The following SLC5A4 variants were observed in gnomAD, a reference collection of about 807,000 sequenced individuals.
The protein encoded by SLC5A4 is solute carrier family 5 member 4, also known as probable glucose sensor protein SLC5A4.
A neutral mutation model predicts 70.3 loss-of-function variants in SLC5A4; 55 were observed. The ratio of observed to expected loss-of-function variants is 0.78; its 90% CI spans 0.63 to 0.98. The LOEUF (loss-of-function observed/expected upper bound fraction) is 0.98. SLC5A4 is among the 50% of genes least tolerant of loss of function. The pLI, the probability that SLC5A4 is intolerant of heterozygous loss-of-function variation, is 0.00. For missense variants in SLC5A4, 735 were observed against 839.2 expected (o/e 0.88, Z 1.53); for synonymous variants, 268 against 305.7 (o/e 0.88, Z 1.29).
the SLC5A4 span, among the ~76,000 whole-genome samples, chr22:32,306,158 CATT>C: frequency 6.6e-6 from 1 of 152,140 alleles, no homozygotes; most frequent in Non-Finnish European, 1.5e-5. Flanking sequence ...AACCTAGGGA[CATT>C]GTTATAAAAA....
At chr22:32,299,519 C>A in the SLC5A4 span, among the ~76,000 whole-genome samples, 1 of 107,022 alleles carries the variant, frequency 9.3e-6, no homozygotes, top group African/African-American at 3.5e-5. Context: ...CTCCTTTAAG[C>A]ACTTCTCTGT....
intron 12 of SLC5A4, among the ~76,000 whole-genome samples, chr22:32,224,701 C>T (rs1434332221): frequency 2.0e-5 from 3 of 152,320 alleles, no homozygotes; most frequent in East Asian, 1.9e-4. Context: ...ACTGCACCAT[C>T]GTTGATTCTC....
chr22:32,260,519 A>C, the SLC5A4 span, among the ~76,000 whole-genome samples: 14 of 151,900 alleles, frequency 9.2e-5, no homozygotes, highest in African/African-American at 2.7e-4. Context: ...AAAAAAAAAA[A>C]ACAAAACCAA....
At chr22:32,324,572 T>C in the SLC5A4 span, among the ~76,000 whole-genome samples, 1 of 152,194 alleles carries the variant, frequency 6.6e-6, no homozygotes, top group East Asian at 1.9e-4. Flanking sequence ...CCTCACTCAC[T>C]GGGCGCCCCT....
chr22:32,294,693 T>G, the SLC5A4 span, among the ~76,000 whole-genome samples: 1 of 148,516 alleles, frequency 6.7e-6, no homozygotes, highest in Non-Finnish European at 1.5e-5. Context: ...CTTTAAGTTT[T>G]AGGGTACATG....
the SLC5A4 span, among the ~76,000 whole-genome samples, chr22:32,347,655 TGA>T: frequency 8.1e-6 from 1 of 123,394 alleles, no homozygotes; most frequent in East Asian, 2.5e-4. Context: ...AACTGAACAA[TGA>T]GAACACATGG....
chr22:32,285,306 A>C, the SLC5A4 span, among the ~76,000 whole-genome samples: 1 of 152,188 alleles, frequency 6.6e-6, no homozygotes, highest in Non-Finnish European at 1.5e-5. Context: ...GTGCATTTTT[A>C]ATTTTAATAG....
At chr22:32,270,212 T>A in the SLC5A4 span, 1 of 671,358 alleles carries the variant, frequency 1.5e-6, no homozygotes, top group East Asian at 2.9e-5. Flanking sequence ...TGTGACAGCA[T>A]CCTTAACATT....
the SLC5A4 span, among the ~76,000 whole-genome samples, chr22:32,338,622 T>C: frequency 0.21 from 31,684 of 152,050 alleles, 3,728 homozygotes; most frequent in East Asian, 0.48. Flanking sequence ...TGAGCCAAGA[T>C]CACACCACTG....
Position 32,247,598 on chromosome 22 carries a change from G to A in SLC5A4, c.373-83C>T. On this transcript the variant is annotated intron_variant, in intron 4 of 14. Transcript: ENST00000266086. ...ATTATTCAGCATTTCCTAAGCACCT[G>A]TGAGTGAAAGTCCTGTGTGTGGCCC... 3.5e-6 allele frequency: 3 copies of A among 858,546 alleles called. No homozygotes were observed. The East Asian group carries it at 7.7e-5, about 22-fold the overall frequency. 53.2% of individuals were successfully genotyped at this position (858,546 alleles called of 1,614,324 possible). A position where few individuals can be genotyped will look rare whatever the true frequency, so the allele number is the denominator to read the frequency against.
chr22:32,272,899 C>G, the SLC5A4 span: 7 of 518,794 alleles, frequency 1.3e-5, no homozygotes, highest in East Asian at 2.1e-4. Flanking sequence ...GCTGCCACAC[C>G]ACACAGGCCT....
chr22:32,266,392 T>C, the SLC5A4 span, among the ~76,000 whole-genome samples: 3 of 152,138 alleles, frequency 2.0e-5, no homozygotes, highest in Non-Finnish European at 4.4e-5. Flanking sequence ...GAGAAAACCC[T>C]AGGTAGTTTC....
At chr22:32,261,539 C>G in the SLC5A4 span, among the ~76,000 whole-genome samples, 5 of 152,214 alleles carry the variant, frequency 3.3e-5, no homozygotes, top group Non-Finnish European at 7.3e-5. Flanking sequence ...GGGGAAGCCC[C>G]TTACCAGGGG....
chr22:32,254,062 T>A, intron 2 of SLC5A4, 80 bp downstream of exon 2: 2 of 1,126,480 alleles, frequency 1.8e-6, no homozygotes, highest in Non-Finnish European at 2.7e-6. Context: ...ATTACAGGCG[T>A]GAGACACCGC....
the SLC5A4 span, among the ~76,000 whole-genome samples, chr22:32,335,055 C>CA: frequency 6.6e-6 from 1 of 152,206 alleles, no homozygotes; most frequent in Non-Finnish European, 1.5e-5. Flanking sequence ...CAGGCCCATC[C>CA]TGCCTCCAAG....
rs761024376 is a variant in SLC5A4, at chr22:32,218,553, G to C, written c.1941C>G (p.Leu647=). 2.6e-5 allele frequency: 42 copies of C among 1,613,578 alleles called. No homozygotes were observed. In the East Asian group the frequency reaches 7.6e-4, roughly 29 times the overall value. Residue 647 remains leucine, a synonymous_variant, in exon 15 of 15, where the codon CTC becomes CTG. Transcript: ENST00000266086. ...RTIVNINAIL[L]LAVVVFIHGY... ...CGTGAATAAAGACCACCACAGCCAG[G>C]AGGAGGATGGCGTTGATGTTCACTA...
the SLC5A4 span, among the ~76,000 whole-genome samples, chr22:32,311,457 G>A: frequency 6.6e-6 from 1 of 152,224 alleles, no homozygotes; most frequent in Non-Finnish European, 1.5e-5. Context: ...GGAGATGTTT[G>A]TGATCATTTA....
At chr22:32,228,574 C>G (rs551878772) in intron 11 of SLC5A4, among the ~76,000 whole-genome samples, 1 of 151,902 alleles carries the variant, frequency 6.6e-6, no homozygotes, top group Admixed American at 6.6e-5. Context: ...AATATAGGGT[C>G]TTCTCGAAAA....
chr22:32,240,761 C>G (rs1447263975), intron 5 of SLC5A4, among the ~76,000 whole-genome samples: 1 of 152,080 alleles, frequency 6.6e-6, no homozygotes, highest in East Asian at 1.9e-4. Context: ...AAAACTGAGG[C>G]TTAGGGAATT....
Sources: gnomAD v4.1 joint callset for allele counts (sites outside exome capture counted in the v4.1 genomes callset) on GRCh38, gnomAD v4.1.1 for gene constraint, MANE v1.5 for transcripts, NCBI Gene and HGNC (gene_info 2026-07-23, HGNC 2026-07-21) for gene names.